The following SHB variants were observed in gnomAD, a reference collection of about 807,000 sequenced individuals.
The protein encoded by SHB is SH2 domain-containing adapter protein B.
Under a neutral mutation model 52.3 loss-of-function variants are expected in SHB, and 20 were observed. The ratio of observed to expected loss-of-function variants is 0.38; its 90% CI spans 0.27 to 0.56. The LOEUF is 0.56. SHB is among the 20% of genes least tolerant of loss of function. The pLI, the probability that SHB is intolerant of heterozygous loss-of-function variation, is 0.71. For missense variants in SHB, 825 were observed against 723.3 expected (o/e 1.14, Z -1.61); for synonymous variants, 397 against 316.5 (o/e 1.25, Z -2.70).
chr9:37,985,739 G>A (rs1820798256), intron 2 of SHB, among the ~76,000 whole-genome samples: 1 of 152,236 alleles, frequency 6.6e-6, no homozygotes, highest in African/African-American at 2.4e-5. Context: ...CATTAGACCT[G>A]AGGCCAGATG....
intron 1 of SHB, among the ~76,000 whole-genome samples, chr9:38,032,047 G>A (rs1821422778): frequency 6.6e-6 from 1 of 152,118 alleles, no homozygotes; most frequent in South Asian, 2.1e-4. Context: ...GAGTCCCAGA[G>A]CCTGGGATCC....
chr9:38,003,231 C>T (rs1821040127), intron 2 of SHB, among the ~76,000 whole-genome samples: 1 of 151,942 alleles, frequency 6.6e-6, no homozygotes, highest in African/African-American at 2.4e-5. Flanking sequence ...GGGACCTGCC[C>T]CAGGTGGGTG....
chr9:37,960,625 G>A (rs778228590), intron 3 of SHB, among the ~76,000 whole-genome samples: 1 of 152,190 alleles, frequency 6.6e-6, no homozygotes, highest in Non-Finnish European at 1.5e-5. Context: ...CTCATTCCTT[G>A]AGACCCAGCT....
chr9:37,920,878 G>A (rs1262160358), intron 5 of SHB, among the ~76,000 whole-genome samples: 1 of 152,212 alleles, frequency 6.6e-6, no homozygotes, highest in Non-Finnish European at 1.5e-5. Context: ...GGAGCCACCT[G>A]AAGTCTGCTC....
chr9:37,976,951 C>T (rs529142933), intron 2 of SHB, among the ~76,000 whole-genome samples: 4 of 152,140 alleles, frequency 2.6e-5, no homozygotes, highest in South Asian at 4.1e-4. Flanking sequence ...ACACACGCCA[C>T]GAAGAAACAG....
intron 3 of SHB, among the ~76,000 whole-genome samples, chr9:37,963,550 A>G (rs917486907): frequency 1.3e-5 from 2 of 152,178 alleles, no homozygotes; most frequent in Non-Finnish European, 2.9e-5. Flanking sequence ...AAGGTGCCCA[A>G]GGCCTTGCAC....
At chr9:37,944,180 G>A (rs1832466086) in intron 5 of SHB, among the ~76,000 whole-genome samples, 1 of 152,190 alleles carries the variant, frequency 6.6e-6, no homozygotes, top group East Asian at 1.9e-4. Flanking sequence ...CGATTCACAG[G>A]TAGGGGCCCC....
intron 1 of SHB, among the ~76,000 whole-genome samples, chr9:38,027,560 G>A (rs1478208343): frequency 6.6e-6 from 1 of 151,676 alleles, no homozygotes; most frequent in Admixed American, 6.6e-5. Context: ...ACCGGGGACA[G>A]GGAAAATGGG....
intron 5 of SHB, among the ~76,000 whole-genome samples, chr9:37,921,981 T>A (rs1832186279): frequency 6.6e-6 from 1 of 152,142 alleles, no homozygotes. Context: ...GCAGGGCTGG[T>A]AAGGAGGGGC....
intron 4 of SHB, among the ~76,000 whole-genome samples, chr9:37,952,806 G>C (rs1832581339): frequency 6.6e-6 from 1 of 152,078 alleles, no homozygotes; most frequent in South Asian, 2.1e-4. Context: ...CGGAAGCTGG[G>C]GGAGGGGCAA....
At chr9:38,015,254 T>C in intron 2 of SHB, 1 of 598,454 alleles carries the variant, frequency 1.7e-6, no homozygotes, top group Non-Finnish European at 3.0e-6. Flanking sequence ...TCCCTTTTGC[T>C]TGTGACCTCC....
At position 38,068,031 on chromosome 9, in the gene SHB, C is replaced by T. The variant is rs1438068690; in HGVS notation, c.615G>A (p.Ala205=). The T allele has an allele frequency of 1.3e-6, 2 of 1,507,500 alleles. No individual in the cohort carries two copies. Among genetic ancestry groups the T allele is most frequent in the Non-Finnish European group, 8.8e-7 (1 of 1,136,078 alleles). The allele number at this position is 1,507,500 out of a possible 1,614,324, so 93.4% of individuals were successfully genotyped here. The part of the protein sequence containing the change: ...GAGDPLGGAC[A]GGRTWSPTAC... ...CCGTCGGGCTCCAGGTGCGGCCGCC[C>T]GCGCAGGCGCCCCCCAGGGGGTCCC... The change falls in exon 1 of 6, where the codon GCG becomes GCA. Residue 205 remains alanine, a synonymous_variant. Coordinates refer to ENST00000377707, the MANE Select transcript of SHB (RefSeq NM_003028.3).
intron 1 of SHB, among the ~76,000 whole-genome samples, chr9:38,033,943 C>T (rs1821449874): frequency 6.6e-6 from 1 of 152,178 alleles, no homozygotes; most frequent in South Asian, 2.1e-4. Context: ...TCATGAATTA[C>T]CCACACCGAG....
rs999096058 is a variant in SHB, at chr9:37,995,410, T to C, written c.839-20573A>G. On this transcript the variant is annotated intron_variant, in intron 2 of 5. Transcript: ENST00000377707. ...TACCTGCTGGCCTCTGGGCCTGATA[T>C]TCCAGCCACCTGCCCACTGCTGATG... Among the ~76,000 whole-genome samples, 17 of 151,216 alleles carry C rather than the reference T, an allele frequency of 1.1e-4. 1 individual carries two copies. Among genetic ancestry groups the C allele is most frequent in the Non-Finnish European group, 2.4e-4 (16 of 67,752 alleles).
At chr9:37,964,026 G>C (rs1832722117) in intron 3 of SHB, among the ~76,000 whole-genome samples, 1 of 152,226 alleles carries the variant, frequency 6.6e-6, no homozygotes, top group Non-Finnish European at 1.5e-5. Flanking sequence ...TCAAGAGTGA[G>C]TTTTGCTCAC....
intron 2 of SHB, chr9:38,015,526 C>T: frequency 1.4e-6 from 1 of 698,038 alleles, no homozygotes; most frequent in Admixed American, 2.0e-5. Flanking sequence ...AGCTCCAAAA[C>T]AAAGATTTCT....
chr9:37,978,569 T>TG (rs2117977520), intron 2 of SHB, among the ~76,000 whole-genome samples: 2 of 152,276 alleles, frequency 1.3e-5, no homozygotes, highest in South Asian at 4.1e-4. Context: ...TGTTTATGTG[T>TG]GGGGGGCAAA....
At chr9:37,934,861 T>A (rs934640013) in intron 5 of SHB, among the ~76,000 whole-genome samples, 2 of 152,224 alleles carry the variant, frequency 1.3e-5, no homozygotes, top group African/African-American at 4.8e-5. Context: ...AGCTTTCATT[T>A]TATTATTTGG....
At chr9:37,974,072 T>A (rs926701259) in intron 3 of SHB, among the ~76,000 whole-genome samples, 1 of 152,076 alleles carries the variant, frequency 6.6e-6, no homozygotes, top group Non-Finnish European at 1.5e-5. Flanking sequence ...CTGGCCAACA[T>A]AGTGAAACCC....
Sources: gnomAD v4.1 joint callset for allele counts (sites outside exome capture counted in the v4.1 genomes callset) on GRCh38, gnomAD v4.1.1 for gene constraint, MANE v1.5 for transcripts, NCBI Gene and HGNC (gene_info 2026-07-23, HGNC 2026-07-21) for gene names.